RANBP2: variants seen among roughly 807,000 people sequenced by gnomAD.
RANBP2 encodes E3 SUMO-protein ligase RanBP2.
RANBP2 carries 57 observed loss-of-function variants against 303.6 expected under a neutral mutation model. That is an observed-to-expected ratio of 0.19 (90% CI 0.15 to 0.23). The LOEUF (loss-of-function observed/expected upper bound fraction) is 0.23. Ranked by LOEUF, RANBP2 falls within the 10% of genes least tolerant of loss-of-function variation. The pLI is 1.00. For missense variants in RANBP2, 3,138 were observed against 3,780.8 expected (o/e 0.83, Z 4.46); for synonymous variants, 1,167 against 1,301.5 (o/e 0.90, Z 2.23).
chr2:108,943,769 C>T, the RANBP2 span, among the ~76,000 whole-genome samples: 1 of 152,108 alleles, frequency 6.6e-6, no homozygotes, highest in Admixed American at 6.5e-5. Flanking sequence ...AGCACCCCTC[C>T]TTTCTCCAGG....
chr2:109,725,486 G>C, the RANBP2 span, among the ~76,000 whole-genome samples: 1 of 152,176 alleles, frequency 6.6e-6, no homozygotes, highest in African/African-American at 2.4e-5. Flanking sequence ...GTGGGGAGAT[G>C]AACTCCCTCC....
chr2:109,141,251 C>T, the RANBP2 span, among the ~76,000 whole-genome samples: 22 of 152,182 alleles, frequency 1.4e-4, no homozygotes, highest in Admixed American at 1.4e-3. Context: ...CTCACTCTTC[C>T]CCTCTGTGGG....
chr2:109,034,602 C>G, the RANBP2 span, among the ~76,000 whole-genome samples: 2 of 152,228 alleles, frequency 1.3e-5, no homozygotes, highest in Non-Finnish European at 2.9e-5. Context: ...TCCTTTTACA[C>G]CTGGCTCAGG....
the RANBP2 span, among the ~76,000 whole-genome samples, chr2:109,370,308 C>T: frequency 4.0e-5 from 6 of 151,646 alleles, no homozygotes; most frequent in Admixed American, 2.6e-4. Flanking sequence ...GGTACGATCT[C>T]GGCTCACTGC....
chr2:109,049,906 C>T, the RANBP2 span, among the ~76,000 whole-genome samples: 1 of 152,194 alleles, frequency 6.6e-6, no homozygotes, highest in African/African-American at 2.4e-5. Context: ...GGCTGACCGA[C>T]ACATCTGGTC....
At chr2:109,381,188 C>T in the RANBP2 span, among the ~76,000 whole-genome samples, 2 of 152,198 alleles carry the variant, frequency 1.3e-5, no homozygotes, top group Non-Finnish European at 2.9e-5. Flanking sequence ...AGTGTGTCAG[C>T]CTAGGGGCAG....
At chr2:108,897,087 C>G in the RANBP2 span, 1 of 1,614,052 alleles carries the variant, frequency 6.2e-7, no homozygotes, top group Admixed American at 1.7e-5. Flanking sequence ...CTGTCATGCC[C>G]CCAATCTCAT....
chr2:109,433,646 C>G, the RANBP2 span, among the ~76,000 whole-genome samples: 1 of 152,208 alleles, frequency 6.6e-6, no homozygotes, highest in Non-Finnish European at 1.5e-5. Context: ...TTGCTACTTG[C>G]AGAGTGGTCT....
chr2:109,491,048 GAT>G, the RANBP2 span: 1 of 1,051,002 alleles, frequency 9.5e-7, no homozygotes, highest in Middle Eastern at 3.1e-4. Context: ...AGGTTTACCA[GAT>G]GTACCTCAAC....
the RANBP2 span, chr2:108,930,332 G>T: frequency 5.9e-6 from 9 of 1,517,418 alleles, no homozygotes; most frequent in Admixed American, 1.7e-5. Flanking sequence ...TAGGAAGGGG[G>T]TGCCCTGCGG....
In RANBP2 at chr2:108,764,826, A is replaced by T; in HGVS notation, c.4287A>T (p.Glu1429Asp). The change falls in exon 20 of 29, where the codon GAA becomes GAT. Residue 1429 changes from glutamate to aspartate, a missense_variant. By Grantham distance (45) the Glu-to-Asp change is conservative (BLOSUM62 2). Transcript: ENST00000283195. ...GTAGTATTTGTTTAGTAAGAAATGA[A>T]CCTACTGTATCTAGGTGCATTGCGT... ...WDCSICLVRN[E>D]PTVSRCIACQ... 6.2e-7 allele frequency: 1 copy of T among 1,614,096 alleles called. No homozygotes were observed. Among genetic ancestry groups the T allele is most frequent in the Non-Finnish European group, 8.5e-7 (1 of 1,179,984 alleles).
the RANBP2 span, among the ~76,000 whole-genome samples, chr2:109,370,654 G>A: frequency 7.9e-5 from 12 of 151,686 alleles, no homozygotes; most frequent in African/African-American, 2.9e-4. Flanking sequence ...TTTCTCACCC[G>A]CCCTGCCATT....
the RANBP2 span, among the ~76,000 whole-genome samples, chr2:109,361,656 A>G: frequency 6.6e-6 from 1 of 152,028 alleles, no homozygotes; most frequent in African/African-American, 2.4e-5. Flanking sequence ...TTGTATTTTT[A>G]GTAGAGATGG....
At chr2:109,352,356 A>T in the RANBP2 span, among the ~76,000 whole-genome samples, 1 of 152,158 alleles carries the variant, frequency 6.6e-6, no homozygotes, top group Non-Finnish European at 1.5e-5. Context: ...CTGGTCTGCT[A>T]TGCTTTTACT....
the RANBP2 span, among the ~76,000 whole-genome samples, chr2:109,663,435 G>T: frequency 6.6e-6 from 1 of 152,152 alleles, no homozygotes; most frequent in Admixed American, 6.5e-5. Flanking sequence ...CTTGTCCTGG[G>T]TGCTGGAAGT....
At chr2:108,953,582 A>G in the RANBP2 span, among the ~76,000 whole-genome samples, 1 of 151,976 alleles carries the variant, frequency 6.6e-6, no homozygotes, top group African/African-American at 2.4e-5. Context: ...TACCTCCCAT[A>G]CTTGTCCAGT....
the RANBP2 span, among the ~76,000 whole-genome samples, chr2:109,066,216 C>A: frequency 2.0e-5 from 3 of 152,036 alleles, no homozygotes; most frequent in Admixed American, 6.6e-5. Flanking sequence ...TCAAGCGATT[C>A]TCCTGCCTCA....
At chr2:109,633,441 T>C in the RANBP2 span, among the ~76,000 whole-genome samples, 1 of 151,240 alleles carries the variant, frequency 6.6e-6, no homozygotes, top group Non-Finnish European at 1.5e-5. Context: ...ACAGACAGAA[T>C]GAAGGTAACA....
At chr2:109,170,269 CTT>C in the RANBP2 span, among the ~76,000 whole-genome samples, 1 of 78,328 alleles carries the variant, frequency 1.3e-5, no homozygotes, top group African/African-American at 3.7e-5. Context: ...CTTCTCTTCT[CTT>C]CTCTTCTCTT....
Sources: allele counts gnomAD v4.1 joint callset (sites outside exome capture counted in the v4.1 genomes callset), GRCh38; gene constraint gnomAD v4.1.1; transcripts MANE v1.5; gene names NCBI Gene and HGNC (gene_info 2026-07-23, HGNC 2026-07-21).